Variants in ATRX observed in about 807,000 individuals in gnomAD.
ATRX encodes the protein chromatin remodeler ATRX.
A neutral mutation model predicts 172.6 loss-of-function variants in ATRX; 12 were observed. The observed-to-expected ratio is 0.07, with a 90% CI of 0.04 to 0.11. The LOEUF is 0.11. ATRX is among the 10% of genes least tolerant of loss of function. The pLI, the probability that ATRX is intolerant of heterozygous loss-of-function variation, is 1.00. For synonymous variants in ATRX, 674 were observed against 594.7 expected, an observed-to-expected ratio of 1.13 and a Z score of -1.94; for missense variants, 1,368 against 1,767.4, an observed-to-expected ratio of 0.77 and a Z score of 4.05.
rs539797545 is a variant in ATRX, at chrX:77,776,399, G to C, written c.20+9583C>G. Among the ~76,000 whole-genome samples, 143 of 111,720 alleles carry C rather than the reference G, an allele frequency of 1.3e-3. 1 individual carries two copies. Among genetic ancestry groups the C allele is most frequent in the Middle Eastern group, 9.3e-3 (2 of 216 alleles). On this transcript the variant is annotated intron_variant, in intron 1 of 34. Transcript: ENST00000373344. ...ATTTACATCACCCCAGAAATGTTTG[G>C]TGAATGAATTAGTACTTTTTACAGG...
In ATRX at chrX:77,507,184, TA is replaced by T. The variant is rs1188477581; in HGVS notation, c.*1166del. 4.0e-4 allele frequency: 60 copies of T among 150,589 alleles called. No individual in the cohort carries two copies. The highest frequency in any genetic ancestry group is 6.7e-4 in the East Asian group (7 of 10,416). The allele number at this position is 150,589 out of a possible 1,213,427, so 12.4% of individuals were successfully genotyped here. On this transcript the variant is annotated 3_prime_UTR_variant, in exon 35 of 35. Transcript: ENST00000373344. ...TTAATAATTGCCTCACAATCTAAACTAAAAAAAAAACAAACTCTGAAACAAT... is the reference window on the plus strand; with the variant it reads ...TTAATAATTGCCTCACAATCTAAACTAAAAAAAAACAAACTCTGAAACAAT...
intron 15 of ATRX, among the ~76,000 whole-genome samples, chrX:77,639,517 A>G (rs2068552129): frequency 1.8e-5 from 2 of 112,050 alleles, no homozygotes; most frequent in African/African-American, 6.5e-5. Flanking sequence ...TCACTAAGCT[A>G]TTCCCAACTT....
intron 1 of ATRX, among the ~76,000 whole-genome samples, chrX:77,743,087 G>A (rs1215230384): frequency 2.7e-5 from 3 of 110,954 alleles, no homozygotes; most frequent in African/African-American, 9.9e-5. Context: ...ACCAGTGCTA[G>A]AAGCAAACAC....
At chrX:77,762,304 CAAAAAAAA>C (rs782237740) in intron 1 of ATRX, among the ~76,000 whole-genome samples, 1 of 23,412 alleles carries the variant, frequency 4.3e-5, no homozygotes. Flanking sequence ...GACTCTGTCT[CAAAAAAAA>C]AAAAAAAAAA....
rs1307400657 is a variant in ATRX, at chrX:77,519,810, TACCCAAA to T, written c.7200+971_7200+977del. On this transcript the variant is annotated intron_variant, in intron 34 of 34. Coordinates refer to ENST00000373344, the MANE Select transcript of ATRX (RefSeq NM_000489.6). ...TTCACCAGTCCCACTGCTAGGCCTA[TACCCAAA>T]AGAAAGGAAATCAGTATATTGAAGA... 4.5e-5 allele frequency among the ~76,000 whole-genome samples: 5 copies of T among 111,358 alleles called. No individual in the cohort carries two copies. The Admixed American group carries it at 4.8e-4, about 11-fold the overall frequency.
intron 30 of ATRX, among the ~76,000 whole-genome samples, chrX:77,538,356 A>G (rs2063834527): frequency 9.0e-6 from 1 of 110,955 alleles, no homozygotes; most frequent in Admixed American, 9.7e-5. Context: ...TCTTAAGGAA[A>G]TAACTCAGAA....
chrX:77,766,629 C>T (rs1312144397), intron 1 of ATRX, among the ~76,000 whole-genome samples: 22 of 106,695 alleles, frequency 2.1e-4, no homozygotes, highest in African/African-American at 7.2e-4. Flanking sequence ...GATGAGCGGC[C>T]GGGCAGAGAC....
intron 15 of ATRX, among the ~76,000 whole-genome samples, chrX:77,639,421 A>G (rs188831563): frequency 8.9e-6 from 1 of 112,057 alleles, no homozygotes; most frequent in East Asian, 2.8e-4. Context: ...AAAAGGATAC[A>G]AAGTCTTAGA....
intron 1 of ATRX, among the ~76,000 whole-genome samples, chrX:77,780,940 A>G (rs2076548130): frequency 9.1e-6 from 1 of 110,075 alleles, no homozygotes. Flanking sequence ...CCTTGTCCCA[A>G]AAAAAAATTA....
At chrX:77,552,177 T>G (rs1244494103) in intron 30 of ATRX, among the ~76,000 whole-genome samples, 1 of 110,192 alleles carries the variant, frequency 9.1e-6, no homozygotes, top group African/African-American at 3.3e-5. Context: ...GCATGTATGT[T>G]TACTATTCAC....
intron 17 of ATRX, chrX:77,633,982 C>T (rs1310498478): frequency 6.5e-6 from 2 of 309,296 alleles, no homozygotes; most frequent in South Asian, 5.4e-5. Flanking sequence ...TAGGTCTCCA[C>T]AGAATGTCCC....
chrX:77,667,762 AG>A (rs1288266253), intron 10 of ATRX, among the ~76,000 whole-genome samples: 1 of 112,063 alleles, frequency 8.9e-6, no homozygotes, highest in Non-Finnish European at 1.9e-5. Context: ...AATCATATAA[AG>A]TGAAATCAGA....
chrX:77,710,933 A>AAC (rs145847838), intron 2 of ATRX, among the ~76,000 whole-genome samples: 46,132 of 97,633 alleles, frequency 0.47, 10,678 homozygotes, highest in Non-Finnish European at 0.63. Flanking sequence ...ATAGAACTTT[A>AAC]ACACACACAC....
In ATRX at chrX:77,507,212, T is replaced by TA. The variant is rs2062731412; in HGVS notation, c.*1138dup. 5.8e-6 allele frequency: 1 copy of TA among 172,494 alleles called. No homozygotes were observed. The highest frequency in any genetic ancestry group is 1.1e-5 in the Non-Finnish European group (1 of 90,070). 14.2% of individuals were successfully genotyped at this position (172,494 alleles called of 1,213,427 possible). On this transcript the variant is annotated 3_prime_UTR_variant, in exon 35 of 35. Coordinates refer to ENST00000373344, the MANE Select transcript of ATRX (RefSeq NM_000489.6). The stretch of plus-strand genomic sequence containing the variant: ...AAAAAAAACAAACTCTGAAACAATT[T>TA]AAAAAAATGTAAGGAAACTGGGGTA...
intron 15 of ATRX, among the ~76,000 whole-genome samples, chrX:77,642,219 T>C (rs2068692136): frequency 9.0e-6 from 1 of 110,997 alleles, no homozygotes; most frequent in South Asian, 3.8e-4. Context: ...AAAAATTTGA[T>C]GAAACTATAA....
chrX:77,738,756 T>C (rs2074720088), intron 1 of ATRX, among the ~76,000 whole-genome samples: 1 of 108,788 alleles, frequency 9.2e-6, no homozygotes, highest in Non-Finnish European at 1.9e-5. Context: ...TAGAGACGGG[T>C]TTCACCATGT....
chrX:77,593,974 G>T (rs2066376500), intron 25 of ATRX, 125 bp from the exon 26 acceptor site: 2 of 624,733 alleles, frequency 3.2e-6, no homozygotes, highest in East Asian at 3.5e-5. Context: ...TTGGGAGAGG[G>T]GAGGGAAAAA....
At chrX:77,777,802 T>G (rs1281051582) in intron 1 of ATRX, among the ~76,000 whole-genome samples, 2 of 111,294 alleles carry the variant, frequency 1.8e-5, no homozygotes, top group African/African-American at 6.5e-5. Flanking sequence ...TCACAGTGAT[T>G]CAAAATCTGT....
At chrX:77,533,131 C>CA (rs1319619282) in intron 30 of ATRX, among the ~76,000 whole-genome samples, 1 of 111,902 alleles carries the variant, frequency 8.9e-6, no homozygotes, top group Non-Finnish European at 1.9e-5. Flanking sequence ...ACTAAAAAGT[C>CA]AAAAAACAGC....
Sources: gnomAD v4.1 joint callset for allele counts (sites outside exome capture counted in the v4.1 genomes callset) on GRCh38, gnomAD v4.1.1 for gene constraint, MANE v1.5 for transcripts, NCBI Gene and HGNC (gene_info 2026-07-23, HGNC 2026-07-21) for gene names.